RSPO2: variants seen among roughly 807,000 people sequenced by gnomAD.
RSPO2 encodes R-spondin-2.
Under a neutral mutation model 30.9 loss-of-function variants are expected in RSPO2, and 14 were observed. That is an observed-to-expected ratio of 0.45 (90% CI 0.30 to 0.71). The LOEUF is 0.71. Ranked by LOEUF, RSPO2 falls within the 30% of genes least tolerant of loss-of-function variation. RSPO2 has a pLI of 0.08. For synonymous variants in RSPO2, 107 were observed against 96.4 expected (o/e 1.11, Z -0.64); for missense variants, 264 against 301.9 (o/e 0.87, Z 0.93).
chr8:108,014,707 C>G (rs1810822122), intron 2 of RSPO2, among the ~76,000 whole-genome samples: 1 of 150,604 alleles, frequency 6.6e-6, no homozygotes, highest in South Asian at 2.1e-4. Context: ...GGTGGGGGGG[C>G]TAGGGGAGGG....
At chr8:108,071,122 A>C (rs185414293) in intron 2 of RSPO2, among the ~76,000 whole-genome samples, 68 of 152,220 alleles carry the variant, frequency 4.5e-4, no homozygotes, top group African/African-American at 1.6e-3. Flanking sequence ...TTCAAATAAA[A>C]ATCATGTTGA....
intron 2 of RSPO2, among the ~76,000 whole-genome samples, chr8:108,055,322 G>A (rs1429869535): frequency 1.3e-5 from 2 of 152,118 alleles, no homozygotes; most frequent in Non-Finnish European, 2.9e-5. Context: ...GATAATGAAA[G>A]GAGAGTTGGA....
chr8:107,999,247 T>C (rs555576822), intron 2 of RSPO2, among the ~76,000 whole-genome samples: 1 of 152,268 alleles, frequency 6.6e-6, no homozygotes, highest in South Asian at 2.1e-4. Flanking sequence ...AGATTGGACA[T>C]ATAATTGTCT....
chr8:107,901,449 G>A (rs536422157), intron 5 of RSPO2, among the ~76,000 whole-genome samples: 3 of 152,302 alleles, frequency 2.0e-5, no homozygotes, highest in Middle Eastern at 3.4e-3. Flanking sequence ...GGCCTGATCC[G>A]TCTTTCAAAT....
intron 2 of RSPO2, chr8:107,996,998 A>G (rs1027844181): frequency 2.3e-6 from 1 of 427,770 alleles, no homozygotes; most frequent in African/African-American, 2.0e-5. Flanking sequence ...ACCTAACCTG[A>G]GTACTCTCTC....
intron 5 of RSPO2, among the ~76,000 whole-genome samples, chr8:107,901,635 G>A (rs1405943838): frequency 1.3e-5 from 2 of 152,146 alleles, no homozygotes; most frequent in Non-Finnish European, 2.9e-5. Context: ...TTCCCCATGG[G>A]GGAAAAAGAG....
At chr8:108,036,317 G>C (rs951745645) in intron 2 of RSPO2, among the ~76,000 whole-genome samples, 1 of 152,164 alleles carries the variant, frequency 6.6e-6, no homozygotes, top group African/African-American at 2.4e-5. Context: ...AAATGGAGCA[G>C]CAAAGCCTGG....
At chr8:107,994,962 C>T (rs941213937) in intron 2 of RSPO2, among the ~76,000 whole-genome samples, 1 of 151,998 alleles carries the variant, frequency 6.6e-6, no homozygotes, top group Admixed American at 6.6e-5. Flanking sequence ...ATTTTAGATC[C>T]ACAAGAGAGT....
chr8:107,910,112 A>T (rs186123184), intron 5 of RSPO2, among the ~76,000 whole-genome samples: 694 of 152,316 alleles, frequency 4.6e-3, no homozygotes, highest in African/African-American at 0.012. Context: ...ACCAGAAAAG[A>T]ATTAAGTTCC....
Position 107,960,816 on chromosome 8 carries a change from T to A in RSPO2, c.285A>T (p.Arg95Ser), listed in dbSNP as rs568583994. ...HRAPDMNRCARCRIENCDSCF... is the reference protein window; with the variant it reads ...HRAPDMNRCASCRIENCDSCF... ...AAGAATCACAGTTTTCTATTCTGCATCCTAAAAACAATTTTAAAGAGAAAA... is the reference window on the plus strand; with the variant it reads ...AAGAATCACAGTTTTCTATTCTGCAACCTAAAAACAATTTTAAAGAGAAAA... Residue 95 changes from arginine (R) to serine (S), a missense_variant and splice_region_variant, in exon 4 of 6, where the codon AGA (arginine) becomes AGT (serine). Physicochemically the swap from Arg to Ser is moderately radical, Grantham distance 110. Coordinates refer to ENST00000276659, the MANE Select transcript of RSPO2 (RefSeq NM_178565.5). 1.3e-6 allele frequency: 2 copies of A among 1,571,294 alleles called. No individual in the cohort carries two copies. The highest frequency in any genetic ancestry group is 2.1e-5 in the Admixed American group (1 of 48,222).
chr8:108,079,462 C>T (rs980013151), intron 2 of RSPO2, among the ~76,000 whole-genome samples: 2 of 152,066 alleles, frequency 1.3e-5, no homozygotes, highest in Non-Finnish European at 2.9e-5. Flanking sequence ...TTTTCTCAAT[C>T]GTCTGGCTAT....
chr8:107,964,037 T>C (rs1190122833), intron 3 of RSPO2, among the ~76,000 whole-genome samples: 1 of 152,228 alleles, frequency 6.6e-6, no homozygotes, highest in Non-Finnish European at 1.5e-5. Flanking sequence ...ATATTGTCTG[T>C]GTAATAAAGC....
intron 5 of RSPO2, among the ~76,000 whole-genome samples, chr8:107,943,774 G>A (rs1723270803): frequency 2.0e-5 from 3 of 152,152 alleles, no homozygotes; most frequent in Admixed American, 1.3e-4. Flanking sequence ...GACATTTGAG[G>A]CCAAAATTAC....
At chr8:108,021,875 T>C (rs1214943770) in intron 2 of RSPO2, among the ~76,000 whole-genome samples, 2 of 152,086 alleles carry the variant, frequency 1.3e-5, no homozygotes, top group African/African-American at 2.4e-5. Context: ...CAAATCACCA[T>C]GGCACATGTA....
intron 3 of RSPO2, chr8:107,983,553 G>C: frequency 6.3e-7 from 1 of 1,599,388 alleles, no homozygotes; most frequent in Non-Finnish European, 8.6e-7. Flanking sequence ...ATTTACTTCA[G>C]CAAAAGAGTG....
At chr8:108,016,270 A>T (rs1172109212) in intron 2 of RSPO2, among the ~76,000 whole-genome samples, 3 of 152,212 alleles carry the variant, frequency 2.0e-5, no homozygotes, top group Admixed American at 1.3e-4. Flanking sequence ...ACGGAAGTAC[A>T]CAAAAACAGT....
intron 5 of RSPO2, among the ~76,000 whole-genome samples, chr8:107,935,665 TCTAA>T (rs762917400): frequency 5.3e-5 from 8 of 152,140 alleles, no homozygotes; most frequent in Admixed American, 3.3e-4. Flanking sequence ...GGTTCACTTG[TCTAA>T]CTGAGGAGCT....
intron 5 of RSPO2, among the ~76,000 whole-genome samples, chr8:107,924,870 T>C (rs1812306598): frequency 1.3e-5 from 2 of 151,612 alleles, no homozygotes; most frequent in African/African-American, 2.4e-5. Context: ...CTCAAGTAGA[T>C]TTATGGTTTA....
chr8:108,056,623 C>CAAAAA (rs56256415), intron 2 of RSPO2, among the ~76,000 whole-genome samples: 111 of 70,492 alleles, frequency 1.6e-3, no homozygotes, highest in African/African-American at 3.1e-3. Flanking sequence ...AGACCCGTCT[C>CAAAAA]AAAAAAAAAA....
Sources: gnomAD v4.1 joint callset for allele counts (sites outside exome capture counted in the v4.1 genomes callset) on GRCh38, gnomAD v4.1.1 for gene constraint, MANE v1.5 for transcripts, NCBI Gene and HGNC (gene_info 2026-07-23, HGNC 2026-07-21) for gene names.